Variants in PALLD observed in about 807,000 individuals in gnomAD.
The protein encoded by PALLD is palladin.
A neutral mutation model predicts 123.5 loss-of-function variants in PALLD; 61 were observed. That is an observed-to-expected ratio of 0.49 (90% CI 0.40 to 0.61). PALLD has a LOEUF of 0.61. Among genes scored for constraint, PALLD ranks in the 20% least tolerant of loss-of-function variants. The pLI is 0.00. For missense variants in PALLD, 1,273 were observed against 1,377.0 expected (o/e 0.92, Z 1.20); for synonymous variants, 465 against 496.4 (o/e 0.94, Z 0.84).
chr4:168,524,523 A>G (rs1022437646), intron 2 of PALLD, among the ~76,000 whole-genome samples: 2 of 152,158 alleles, frequency 1.3e-5, no homozygotes, highest in South Asian at 2.1e-4. Context: ...TTTTTTTGAT[A>G]CAAGTATGCA....
chr4:168,751,159 T>C (rs1651335181), intron 10 of PALLD, among the ~76,000 whole-genome samples: 1 of 151,946 alleles, frequency 6.6e-6, no homozygotes, highest in Non-Finnish European at 1.5e-5. Context: ...ATTATAGGCA[T>C]GTGCCACCAT....
chr4:168,658,285 GT>G (rs66527351), intron 2 of PALLD, among the ~76,000 whole-genome samples: 118 of 131,620 alleles, frequency 9.0e-4, no homozygotes, highest in East Asian at 3.9e-3. Flanking sequence ...TTTTTATTTG[GT>G]TTTTTTTTTT....
rs561145109 is a variant in PALLD, at chr4:168,579,403, T to C, written c.908+66991T>C. Among the ~76,000 whole-genome samples the C allele has an allele frequency of 1.3e-3, 200 of 152,286 alleles. 2 individuals are homozygous for C. Among genetic ancestry groups the C allele is most frequent in the African/African-American group, 4.6e-3 (193 of 41,574 alleles). On this transcript the variant is annotated intron_variant, in intron 2 of 21. Transcript: ENST00000505667. ...CATCCAATTGCTAAATTTTAATCTC[T>C]AAATGTTTGAGAAATTGATTTGGAA...
intron 2 of PALLD, among the ~76,000 whole-genome samples, chr4:168,526,690 T>C (rs1465467398): frequency 2.0e-5 from 3 of 152,178 alleles, no homozygotes; most frequent in East Asian, 1.9e-4. Flanking sequence ...GGGCAAGTGT[T>C]AGAAATTACC....
chr4:168,566,946 A>T (rs1385328833), intron 2 of PALLD, among the ~76,000 whole-genome samples: 6 of 152,172 alleles, frequency 3.9e-5, no homozygotes, highest in Non-Finnish European at 8.8e-5. Flanking sequence ...TTGTTCTTTC[A>T]AAACTTCCTC....
intron 10 of PALLD, among the ~76,000 whole-genome samples, chr4:168,852,863 T>C (rs970847096): frequency 3.3e-5 from 5 of 152,178 alleles, no homozygotes; most frequent in Admixed American, 2.6e-4. Context: ...CTACATGTTG[T>C]GTTTAGAATA....
intron 1 of PALLD, among the ~76,000 whole-genome samples, chr4:168,502,901 C>G (rs1014672473): frequency 1.3e-5 from 2 of 152,158 alleles, no homozygotes; most frequent in African/African-American, 4.8e-5. Flanking sequence ...GAGACCCTCA[C>G]TCAAAAGAGC....
intron 10 of PALLD, among the ~76,000 whole-genome samples, chr4:168,798,230 C>T (rs1339913954): frequency 6.6e-6 from 1 of 151,998 alleles, no homozygotes; most frequent in Non-Finnish European, 1.5e-5. Flanking sequence ...TCTAAAAGGC[C>T]TTGCCATATC....
intron 10 of PALLD, among the ~76,000 whole-genome samples, chr4:168,818,829 C>CA (rs1381813248): frequency 6.6e-6 from 1 of 152,030 alleles, no homozygotes; most frequent in South Asian, 2.1e-4. Flanking sequence ...CCTATGAAGG[C>CA]AAAAAATGTT....
intron 2 of PALLD, chr4:168,536,422 A>G (rs1459794297): frequency 6.6e-6 from 1 of 152,214 alleles, no homozygotes; most frequent in African/African-American, 2.4e-5. Context: ...CTTTTGAAAC[A>G]TTCTAGCATT....
intron 2 of PALLD, chr4:168,648,232 G>A (rs1286842910): frequency 6.6e-6 from 1 of 152,060 alleles, no homozygotes; most frequent in Non-Finnish European, 1.5e-5. Flanking sequence ...CAAAGGAGCT[G>A]AGCAGTTTGC....
intron 6 of PALLD, 135 bp from the exon 7 acceptor site, chr4:168,690,468 T>G (rs1279550607): frequency 1.9e-6 from 2 of 1,074,078 alleles, no homozygotes; most frequent in African/African-American, 3.1e-5. Flanking sequence ...TGCTAATTAT[T>G]TGATGATGCA....
chr4:168,870,002 T>C (rs1750866904), intron 10 of PALLD, among the ~76,000 whole-genome samples: 1 of 152,132 alleles, frequency 6.6e-6, no homozygotes, highest in African/African-American at 2.4e-5. Flanking sequence ...TCAAGAAAGA[T>C]GGAGTGGGTG....
intron 10 of PALLD, among the ~76,000 whole-genome samples, chr4:168,804,930 G>A (rs1313949032): frequency 6.6e-6 from 1 of 152,100 alleles, no homozygotes; most frequent in African/African-American, 2.4e-5. Flanking sequence ...GGAGGCCAAG[G>A]CGGGCAGATC....
chr4:168,726,814 G>T (rs1201653175), intron 10 of PALLD, among the ~76,000 whole-genome samples: 1 of 151,834 alleles, frequency 6.6e-6, no homozygotes, highest in Non-Finnish European at 1.5e-5. Context: ...TTGCTACATG[G>T]GTATATTATA....
At chr4:168,547,708 G>C (rs1766291305) in intron 2 of PALLD, among the ~76,000 whole-genome samples, 1 of 151,904 alleles carries the variant, frequency 6.6e-6, no homozygotes, top group African/African-American at 2.4e-5. Context: ...CCAGGACTTT[G>C]GGAGGCCGAG....
intron 10 of PALLD, among the ~76,000 whole-genome samples, chr4:168,890,577 G>C (rs192979978): frequency 6.6e-6 from 1 of 152,046 alleles, no homozygotes; most frequent in Admixed American, 6.5e-5. Context: ...ATACGAGATA[G>C]AGTCAGATTT....
At chr4:168,693,221 C>T (rs956627481) in intron 8 of PALLD, among the ~76,000 whole-genome samples, 5 of 151,128 alleles carry the variant, frequency 3.3e-5, no homozygotes, top group Admixed American at 1.3e-4. Context: ...ATCTCCCCTG[C>T]GCCCTGCATC....
At chr4:168,885,618 A>C (rs1455234153) in intron 10 of PALLD, among the ~76,000 whole-genome samples, 1 of 152,212 alleles carries the variant, frequency 6.6e-6, no homozygotes, top group Admixed American at 6.5e-5. Flanking sequence ...CCAGCCACGT[A>C]CATTTGCAAA....
Sources: allele counts gnomAD v4.1 joint callset (sites outside exome capture counted in the v4.1 genomes callset), GRCh38; gene constraint gnomAD v4.1.1; transcripts MANE v1.5; gene names NCBI Gene and HGNC (gene_info 2026-07-23, HGNC 2026-07-21).